Variants in MECR observed in about 807,000 individuals in gnomAD.
MECR encodes the protein enoyl-[acyl-carrier-protein] reductase, mitochondrial.
MECR carries 37 observed loss-of-function variants against 49.1 expected under a neutral mutation model. The ratio of observed to expected loss-of-function variants is 0.75; its 90% CI spans 0.58 to 0.99. MECR has a LOEUF of 0.99. Among genes scored for constraint, MECR ranks in the 50% least tolerant of loss-of-function variants. MECR has a pLI of 0.00. For synonymous variants in MECR, 198 were observed against 191.1 expected (o/e 1.04, Z -0.30); for missense variants, 470 against 479.6 (o/e 0.98, Z 0.19).
At chr1:29,183,409 A>T in the MECR span, among the ~76,000 whole-genome samples, 103 of 151,760 alleles carry the variant, frequency 6.8e-4, 1 homozygote, top group African/African-American at 2.4e-3. Flanking sequence ...CTCTCTCTCT[A>T]TATATATCAT....
intron 1 of MECR, among the ~76,000 whole-genome samples, chr1:29,217,347 C>A (rs1679734087): frequency 6.6e-6 from 1 of 150,708 alleles, no homozygotes; most frequent in Non-Finnish European, 1.5e-5. Context: ...GTAGCTGGGA[C>A]TAGAGGTGCC....
chr1:29,197,057 A>G (rs1674182414), intron 7 of MECR, among the ~76,000 whole-genome samples: 1 of 152,198 alleles, frequency 6.6e-6, no homozygotes, highest in African/African-American at 2.4e-5. Flanking sequence ...CCCAGACTCA[A>G]TGAATCAGGA....
the MECR span, chr1:29,181,799 G>C: frequency 6.7e-7 from 1 of 1,482,548 alleles, no homozygotes; most frequent in Non-Finnish European, 9.0e-7. Flanking sequence ...CCCCCCTTAG[G>C]CGGCGGCGGG....
the MECR span, among the ~76,000 whole-genome samples, chr1:29,184,158 G>A: frequency 4.8e-5 from 7 of 145,938 alleles, no homozygotes; most frequent in African/African-American, 1.5e-4. Flanking sequence ...GACTACAGGC[G>A]TGAGCCACTG....
chr1:29,191,815 C>T (rs137970293), downstream of MECR, among the ~76,000 whole-genome samples: 205 of 152,320 alleles, frequency 1.3e-3, 1 homozygote, highest in Middle Eastern at 0.01. Flanking sequence ...ACCTTCTGGC[C>T]GGGTGTGGTG....
the MECR span, among the ~76,000 whole-genome samples, chr1:29,182,503 AG>A: frequency 2.0e-5 from 3 of 152,298 alleles, no homozygotes; most frequent in South Asian, 4.1e-4. Flanking sequence ...CTTTGGAGCT[AG>A]ACTAGGCATG....
chr1:29,175,711 A>AAAG, the MECR span, among the ~76,000 whole-genome samples: 42 of 146,536 alleles, frequency 2.9e-4, no homozygotes, highest in South Asian at 8.6e-4. Flanking sequence ...AAAAAAAAAA[A>AAAG]AAAAAAAAAA....
At chr1:29,182,617 C>T in the MECR span, among the ~76,000 whole-genome samples, 1 of 151,958 alleles carries the variant, frequency 6.6e-6, no homozygotes, top group Non-Finnish European at 1.5e-5. Context: ...GACCTCAGCT[C>T]ACTGCAACCT....
At chr1:29,182,830 C>T in the MECR span, among the ~76,000 whole-genome samples, 3 of 152,344 alleles carry the variant, frequency 2.0e-5, no homozygotes, top group Admixed American at 2.0e-4. Context: ...AGGCGTGAGC[C>T]ACTGCGCCTG....
intron 3 of MECR, among the ~76,000 whole-genome samples, chr1:29,208,639 G>C (rs1196115179): frequency 6.6e-6 from 1 of 152,182 alleles, no homozygotes; most frequent in African/African-American, 2.4e-5. Flanking sequence ...GAGGAAATGA[G>C]GAAGTGACTT....
downstream of MECR, among the ~76,000 whole-genome samples, chr1:29,190,373 C>CA (rs907123010): frequency 1.6e-4 from 24 of 149,644 alleles, no homozygotes; most frequent in East Asian, 5.9e-4. Flanking sequence ...CAAAACAAAA[C>CA]AAAAAAAAAC....
At chr1:29,176,772 CA>C in the MECR span, among the ~76,000 whole-genome samples, 1 of 152,104 alleles carries the variant, frequency 6.6e-6, no homozygotes, top group African/African-American at 2.4e-5. Flanking sequence ...AGGGCGAAAA[CA>C]AAAATTTTCT....
downstream of MECR, among the ~76,000 whole-genome samples, chr1:29,189,256 TA>T (rs1673076732): frequency 7.6e-6 from 1 of 131,234 alleles, no homozygotes; most frequent in African/African-American, 3.5e-5. Context: ...ATTTTTAGTA[TA>T]GACGGGGTTT....
At chr1:29,218,823 T>C (rs555264534) in intron 1 of MECR, among the ~76,000 whole-genome samples, 1 of 152,322 alleles carries the variant, frequency 6.6e-6, no homozygotes, top group East Asian at 1.9e-4. Flanking sequence ...GTAATAGTAA[T>C]AACTACTGTT....
At chr1:29,192,024 T>C (rs1214249792), downstream of MECR, among the ~76,000 whole-genome samples, 1 of 151,698 alleles carries the variant, frequency 6.6e-6, no homozygotes, top group Non-Finnish European at 1.5e-5. Flanking sequence ...CCCAGGAGGT[T>C]GAGGCTGCAG....
At chr1:29,216,497 G>T in intron 2 of MECR, 91 bp downstream of exon 2, 1 of 1,278,172 alleles carries the variant, frequency 7.8e-7, no homozygotes, top group Non-Finnish European at 1.1e-6. Flanking sequence ...CTAATCACAG[G>T]CATTTCACAC....
At chr1:29,227,021 T>C (rs1682267742) in intron 1 of MECR, among the ~76,000 whole-genome samples, 1 of 146,198 alleles carries the variant, frequency 6.8e-6, no homozygotes, top group Non-Finnish European at 1.5e-5. Context: ...TGCAGTGGTG[T>C]GGTGCAATCT....
the MECR span, among the ~76,000 whole-genome samples, chr1:29,168,024 T>TG: frequency 2.2e-5 from 3 of 136,104 alleles, no homozygotes; most frequent in Non-Finnish European, 4.8e-5. Context: ...TTTTTTTTTT[T>TG]TTTTTAAAAA....
chr1:29,181,824 G>GGCGGCA, the MECR span: 10 of 1,266,974 alleles, frequency 7.9e-6, no homozygotes, highest in East Asian at 6.1e-5. Flanking sequence ...GCGAGAGCAC[G>GGCGGCA]GCGGCAGCGG....
Sources: allele counts gnomAD v4.1 joint callset (sites outside exome capture counted in the v4.1 genomes callset), GRCh38; gene constraint gnomAD v4.1.1; transcripts MANE v1.5; gene names NCBI Gene and HGNC (gene_info 2026-07-23, HGNC 2026-07-21).